CNOT4: variants seen among roughly 807,000 people sequenced by gnomAD.
The protein encoded by CNOT4 is CCR4-NOT transcription complex subunit 4.
Under a neutral mutation model 73.8 loss-of-function variants are expected in CNOT4, and 8 were observed. The ratio of observed to expected loss-of-function variants is 0.11; its 90% CI spans 0.06 to 0.20. The LOEUF is 0.20. Ranked by LOEUF, CNOT4 falls within the 10% of genes least tolerant of loss-of-function variation. The pLI, the probability that CNOT4 is intolerant of heterozygous loss-of-function variation, is 1.00. For synonymous variants in CNOT4, 293 were observed against 321.1 expected (o/e 0.91, Z 0.94); for missense variants, 564 against 883.4 (o/e 0.64, Z 4.58).
intron 6 of CNOT4, among the ~76,000 whole-genome samples, chr7:135,412,918 T>C (rs1468390791): frequency 6.6e-6 from 1 of 151,934 alleles, no homozygotes; most frequent in Non-Finnish European, 1.5e-5. Context: ...GAAGAGGAAA[T>C]GTAAAAAAGA....
chr7:135,424,074 CACACACACACACACACAT>C (rs1798354656), intron 2 of CNOT4, among the ~76,000 whole-genome samples: 1 of 120,834 alleles, frequency 8.3e-6, no homozygotes, highest in African/African-American at 2.8e-5. Flanking sequence ...CACACACACA[CACACACACACACACACAT>C]TTTTTATTAA....
At chr7:135,506,391 G>A (rs1269466703) in intron 1 of CNOT4, among the ~76,000 whole-genome samples, 1 of 152,158 alleles carries the variant, frequency 6.6e-6, no homozygotes, top group Non-Finnish European at 1.5e-5. Flanking sequence ...CCTTCACAAA[G>A]AGTCAAGACA....
chr7:135,444,781 T>C, intron 1 of CNOT4: 1 of 1,584,664 alleles, frequency 6.3e-7, no homozygotes, highest in Non-Finnish European at 8.7e-7. Context: ...CTTGGACAAG[T>C]TGTTACTGAC....
At chr7:135,392,676 CTG>C (rs1236848229) in intron 10 of CNOT4, among the ~76,000 whole-genome samples, 1 of 152,128 alleles carries the variant, frequency 6.6e-6, no homozygotes, top group African/African-American at 2.4e-5. Flanking sequence ...AGTCCCAACA[CTG>C]TGCAAATAAC....
chr7:135,509,520 G>C (rs930460998), intron 1 of CNOT4: 1 of 152,728 alleles, frequency 6.5e-6, no homozygotes, highest in East Asian at 1.9e-4. Flanking sequence ...GTCAGACAGG[G>C]AACAGGGGAT....
At chr7:135,398,425 T>C (rs546816279) in intron 7 of CNOT4, among the ~76,000 whole-genome samples, 199 bp from the exon 8 acceptor site, 11 of 152,144 alleles carry the variant, frequency 7.2e-5, no homozygotes, top group African/African-American at 2.4e-4. Context: ...GAAAATCCAA[T>C]ATCTGAACTG....
intron 10 of CNOT4, among the ~76,000 whole-genome samples, chr7:135,367,456 A>G (rs986891018): frequency 1.3e-5 from 2 of 152,226 alleles, no homozygotes; most frequent in Admixed American, 1.3e-4. Flanking sequence ...AGGCATGTAC[A>G]TCCCAGGACA....
intron 7 of CNOT4, among the ~76,000 whole-genome samples, chr7:135,408,763 ACAGG>A (rs1000408416): frequency 2.0e-5 from 3 of 152,202 alleles, no homozygotes; most frequent in African/African-American, 7.2e-5. Flanking sequence ...CATGGGGAGA[ACAGG>A]CAAAGTCCAC....
intron 1 of CNOT4, among the ~76,000 whole-genome samples, chr7:135,483,888 C>T (rs746677662): frequency 6.6e-5 from 10 of 152,096 alleles, no homozygotes; most frequent in Non-Finnish European, 1.5e-4. Flanking sequence ...CAAAGAACAT[C>T]TACAAAAAAA....
intron 8 of CNOT4, among the ~76,000 whole-genome samples, chr7:135,397,832 G>GT (rs1465054334): frequency 5.9e-5 from 9 of 152,118 alleles, no homozygotes. Context: ...GGCAAGGGGA[G>GT]TATGTGGTAG....
chr7:135,469,842 G>A (rs937324107), intron 1 of CNOT4, among the ~76,000 whole-genome samples: 1 of 152,010 alleles, frequency 6.6e-6, no homozygotes, highest in Non-Finnish European at 1.5e-5. Context: ...TTGTTTTTGA[G>A]ATGGAGTCTT....
At chr7:135,444,345 C>A in intron 1 of CNOT4, 1 of 645,932 alleles carries the variant, frequency 1.5e-6, no homozygotes, top group Middle Eastern at 4.1e-4. Context: ...TTGACAATAG[C>A]CAAAAAATGG....
intron 2 of CNOT4, among the ~76,000 whole-genome samples, chr7:135,434,888 C>A (rs1799058779): frequency 6.6e-6 from 1 of 152,142 alleles, no homozygotes; most frequent in Non-Finnish European, 1.5e-5. Flanking sequence ...CAAAACCCTG[C>A]AGTCATCCTC....
At chr7:135,391,127 A>ATAGTTAACATAC (rs1486963280) in intron 10 of CNOT4, among the ~76,000 whole-genome samples, 1 of 152,140 alleles carries the variant, frequency 6.6e-6, no homozygotes, top group African/African-American at 2.4e-5. Context: ...CAAATTAGAC[A>ATAGTTAACATAC]TAGTTAAGAT....
chr7:135,457,834 G>A (rs1458997793), intron 1 of CNOT4, among the ~76,000 whole-genome samples: 1 of 152,102 alleles, frequency 6.6e-6, no homozygotes, highest in African/African-American at 2.4e-5. Context: ...AAGAGCATAT[G>A]TATGTGCATG....
intron 5 of CNOT4, among the ~76,000 whole-genome samples, chr7:135,414,057 A>C (rs1325279342): frequency 6.6e-6 from 1 of 152,030 alleles, no homozygotes; most frequent in Non-Finnish European, 1.5e-5. Context: ...GAAGAAAATA[A>C]TGGTACTATT....
intron 2 of CNOT4, among the ~76,000 whole-genome samples, chr7:135,432,097 G>C (rs1798883390): frequency 6.6e-6 from 1 of 151,110 alleles, no homozygotes; most frequent in East Asian, 1.9e-4. Flanking sequence ...TGTCACGCCA[G>C]GTTTCAAAAC....
At chr7:135,390,769 T>A (rs574636716) in intron 10 of CNOT4, among the ~76,000 whole-genome samples, 68 of 152,304 alleles carry the variant, frequency 4.5e-4, no homozygotes, top group African/African-American at 1.5e-3. Context: ...ACATTCTATC[T>A]GTATGACATG....
At chr7:135,369,483 G>A (rs1795081428) in intron 10 of CNOT4, among the ~76,000 whole-genome samples, 1 of 152,134 alleles carries the variant, frequency 6.6e-6, no homozygotes. Flanking sequence ...CATATTTAAT[G>A]GTCATTACCA....
Sources: gnomAD v4.1 joint callset for allele counts (sites outside exome capture counted in the v4.1 genomes callset) on GRCh38, gnomAD v4.1.1 for gene constraint, MANE v1.5 for transcripts, NCBI Gene and HGNC (gene_info 2026-07-23, HGNC 2026-07-21) for gene names.